Variants in GBF1 observed in about 807,000 individuals in gnomAD.
GBF1 encodes Golgi-specific brefeldin A-resistance guanine nucleotide exchange factor 1.
A neutral mutation model predicts 210.5 loss-of-function variants in GBF1; 114 were observed. The observed-to-expected ratio is 0.54, with a 90% CI of 0.47 to 0.63. The LOEUF (loss-of-function observed/expected upper bound fraction) is 0.63. GBF1 is among the 30% of genes least tolerant of loss of function. The probability of loss-of-function intolerance (pLI) is 0.00; values close to 1 mark genes in which losing one functional copy is unlikely to be tolerated. For missense variants in GBF1, 1,851 were observed against 2,357.7 expected, an observed-to-expected ratio of 0.79 and a Z score of 4.45; for synonymous variants, 850 against 889.2, an observed-to-expected ratio of 0.96 and a Z score of 0.78.
At chr10:102,243,730 A>G (rs896097364), upstream of GBF1, among the ~76,000 whole-genome samples, 1 of 152,156 alleles carries the variant, frequency 6.6e-6, no homozygotes, top group African/African-American at 2.4e-5. Context: ...TCTTTGGGTG[A>G]TAGAGGCTAG....
intron 3 of GBF1, among the ~76,000 whole-genome samples, chr10:102,280,804 C>T (rs1164163474): frequency 1.3e-5 from 2 of 152,086 alleles, no homozygotes; most frequent in Non-Finnish European, 1.5e-5. Flanking sequence ...GACCATGTGG[C>T]AGGAGTGCAG....
the GBF1 span, chr10:102,230,758 G>A: frequency 1.3e-6 from 2 of 1,492,760 alleles, no homozygotes; most frequent in Non-Finnish European, 1.8e-6. Flanking sequence ...CAGCCCGGGG[G>A]GGCCCCCGCC....
At chr10:102,237,209 G>A in the GBF1 span, among the ~76,000 whole-genome samples, 5 of 152,060 alleles carry the variant, frequency 3.3e-5, no homozygotes, top group Admixed American at 6.5e-5. Context: ...AAGATGGACC[G>A]CATGGGTCTG....
At chr10:102,233,372 C>T in the GBF1 span, among the ~76,000 whole-genome samples, 4 of 132,636 alleles carry the variant, frequency 3.0e-5, no homozygotes, top group Admixed American at 2.7e-4. Flanking sequence ...GGTATGATCT[C>T]GGCTCACTGC....
chr10:102,301,241 T>A (rs1036501015), intron 3 of GBF1, among the ~76,000 whole-genome samples: 1 of 152,182 alleles, frequency 6.6e-6, no homozygotes, highest in African/African-American at 2.4e-5. Context: ...GCACCACCCT[T>A]AATCCATTTA....
rs573303056 is a variant in GBF1 at position 102,274,701 on chromosome 10, T to G, written c.163+14585T>G. Among the ~76,000 whole-genome samples the G allele has an allele frequency of 2.2e-3, 58 of 26,576 alleles. No homozygotes were observed. In the East Asian group the frequency reaches 0.078, roughly 36 times the overall value. 17.4% of individuals were successfully genotyped at this position (26,576 alleles called of 152,430 possible). A position where few individuals can be genotyped will look rare whatever the true frequency, so the allele number is the denominator to read the frequency against. ...AAGTCTACAGGTGCAAAACAAAGAT[T>G]TTTTTTTTTTTTTTTTTTTTTTTTT... On this transcript the variant is annotated intron_variant, in intron 3 of 39. Transcript: ENST00000369983.
intron 1 of GBF1, among the ~76,000 whole-genome samples, chr10:102,246,774 T>A (rs1360255070): frequency 6.6e-6 from 1 of 152,204 alleles, no homozygotes; most frequent in Non-Finnish European, 1.5e-5. Flanking sequence ...TAACGAATGC[T>A]TTTAGAAATA....
chr10:102,235,259 G>T, the GBF1 span, among the ~76,000 whole-genome samples: 1 of 151,156 alleles, frequency 6.6e-6, no homozygotes, highest in Non-Finnish European at 1.5e-5. Flanking sequence ...GGGAGGAGCA[G>T]GCCAAGGGGC....
chr10:102,356,872 A>G (rs2059324708), intron 8 of GBF1, among the ~76,000 whole-genome samples: 1 of 152,158 alleles, frequency 6.6e-6, no homozygotes, highest in African/African-American at 2.4e-5. Flanking sequence ...CAAACAGGTG[A>G]TAGAGATTGT....
intron 3 of GBF1, among the ~76,000 whole-genome samples, chr10:102,277,876 A>G (rs1364131419): frequency 3.3e-5 from 5 of 151,968 alleles, no homozygotes; most frequent in African/African-American, 1.2e-4. Context: ...CACAAATTAC[A>G]TTAGTTGTCA....
intron 3 of GBF1, among the ~76,000 whole-genome samples, chr10:102,260,438 G>C (rs1350470432): frequency 6.8e-6 from 1 of 147,940 alleles, no homozygotes; most frequent in Non-Finnish European, 1.5e-5. Context: ...GGGATTCCAG[G>C]CTTGAGCCAC....
At chr10:102,375,672 T>C in intron 30 of GBF1, 88 bp downstream of exon 30, 2 of 830,426 alleles carry the variant, frequency 2.4e-6, no homozygotes, top group Non-Finnish European at 2.0e-6. Context: ...CAGGTTACTG[T>C]GTTCAGCAGA....
intron 3 of GBF1, among the ~76,000 whole-genome samples, chr10:102,270,487 C>G (rs1399759348): frequency 6.6e-6 from 1 of 152,108 alleles, no homozygotes; most frequent in Non-Finnish European, 1.5e-5. Flanking sequence ...TTAAACTTAG[C>G]AAAAATTGAA....
At chr10:102,295,843 C>A (rs1312546521) in intron 3 of GBF1, among the ~76,000 whole-genome samples, 1 of 152,096 alleles carries the variant, frequency 6.6e-6, no homozygotes, top group African/African-American at 2.4e-5. Context: ...TAAGGGTTGT[C>A]ACCAGAACCT....
At chr10:102,258,685 A>G (rs2072774950) in intron 1 of GBF1, among the ~76,000 whole-genome samples, 1 of 150,784 alleles carries the variant, frequency 6.6e-6, no homozygotes. Context: ...GAGGCAGGAG[A>G]ATTGCTTGAA....
chr10:102,250,282 G>A (rs554517221), intron 1 of GBF1, among the ~76,000 whole-genome samples: 1 of 143,656 alleles, frequency 7.0e-6, no homozygotes, highest in Non-Finnish European at 1.5e-5. Context: ...TGCAACCTTT[G>A]CCTCTCAGGC....
intron 3 of GBF1, among the ~76,000 whole-genome samples, chr10:102,306,526 C>T (rs767142734): frequency 6.6e-6 from 1 of 152,204 alleles, no homozygotes; most frequent in Non-Finnish European, 1.5e-5. Context: ...CAGGTTCAAG[C>T]GATTCTCTGG....
chr10:102,232,166 T>G, the GBF1 span: 1 of 821,092 alleles, frequency 1.2e-6, no homozygotes, highest in Non-Finnish European at 2.0e-6. Context: ...CAGCAGCGTT[T>G]CCTCGTAAAT....
rs755837604 is a variant in GBF1, at chr10:102,358,054, G to A, written c.655G>A (p.Gly219Arg). The A allele has an allele frequency of 2.5e-6, 4 of 1,606,048 alleles. No individual in the cohort carries two copies. Among genetic ancestry groups the A allele is most frequent in the Admixed American group, 3.3e-5 (2 of 59,962 alleles). The change falls in exon 9 of 40, where the codon GGA becomes AGA. Residue 219 changes from glycine to arginine, a missense_variant. Physicochemically the swap from Gly to Arg is moderately radical, Grantham distance 125. Transcript: ENST00000369983. ...ATATTTCCAGCTGAAAATGAGAGCC[G>A]GAGGCATGAGTGATTCATCCAAATG... ...TNMKKLKMRAGGMSDSSKWKK... is the reference protein window; with the variant it reads ...TNMKKLKMRARGMSDSSKWKK...
Sources: gnomAD v4.1 joint callset for allele counts (sites outside exome capture counted in the v4.1 genomes callset) on GRCh38, gnomAD v4.1.1 for gene constraint, MANE v1.5 for transcripts, NCBI Gene and HGNC (gene_info 2026-07-23, HGNC 2026-07-21) for gene names.